The following TMPRSS4 variants were observed in gnomAD, a reference collection of about 807,000 sequenced individuals.
TMPRSS4 encodes the protein transmembrane protease serine 4.
Under a neutral mutation model 56.4 loss-of-function variants are expected in TMPRSS4, and 45 were observed. That is an observed-to-expected ratio of 0.80 (90% CI 0.63 to 1.02). The LOEUF (loss-of-function observed/expected upper bound fraction) is 1.02. Among genes scored for constraint, TMPRSS4 ranks in the 50% least tolerant of loss-of-function variants. The probability of loss-of-function intolerance (pLI) is 0.00; values close to 1 mark genes in which losing one functional copy is unlikely to be tolerated. For missense variants in TMPRSS4, 546 were observed against 556.7 expected (o/e 0.98, Z 0.19); for synonymous variants, 205 against 211.0 (o/e 0.97, Z 0.25).
In TMPRSS4 at chr11:118,118,822, G is replaced by A. The variant is rs1947692831; in HGVS notation, c.*909G>A. On this transcript the variant is annotated 3_prime_UTR_variant, in exon 13 of 13. Coordinates refer to ENST00000437212, the MANE Select transcript of TMPRSS4 (RefSeq NM_019894.4). The stretch of plus-strand genomic sequence containing the variant: ...GTGGCTGGAAAGAAATGCTGGTCCT[G>A]TGTCCTAACTTTTTCCGCCTGGAGA... 2.0e-6 allele frequency: 2 copies of A among 985,430 alleles called. No homozygotes were observed. Among genetic ancestry groups the A allele is most frequent in the South Asian group, 4.7e-5 (1 of 21,294 alleles). The allele number at this position is 985,430 out of a possible 1,614,324, so 61.0% of individuals were successfully genotyped here.
chr11:118,108,767 A>G, intron 6 of TMPRSS4, 89 bp from the exon 7 acceptor site: 2 of 1,330,690 alleles, frequency 1.5e-6, no homozygotes, highest in Non-Finnish European at 2.1e-6. Flanking sequence ...TTGGGAGGGG[A>G]CTTGAATTAA....
intron 1 of TMPRSS4, among the ~76,000 whole-genome samples, chr11:118,086,587 T>A (rs1945572436): frequency 6.6e-6 from 1 of 151,988 alleles, no homozygotes; most frequent in Non-Finnish European, 1.5e-5. Flanking sequence ...AGAGACAGAG[T>A]AACAGGTGCG....
chr11:118,114,743 C>T, intron 9 of TMPRSS4, 86 bp from the exon 10 acceptor site: 9 of 1,356,784 alleles, frequency 6.6e-6, no homozygotes, highest in Non-Finnish European at 9.2e-6. Context: ...CAGCAAGATC[C>T]CCATAATCAT....
rs1386587260 is a variant in TMPRSS4, at chr11:118,107,775, A to G, written c.442A>G (p.Lys148Glu). Residue 148 changes from lysine to glutamate, a missense_variant and splice_region_variant, in exon 6 of 13, where the codon AAA becomes GAA. By Grantham distance (56) the Lys-to-Glu change is moderately conservative (BLOSUM62 1). Coordinates refer to ENST00000437212, the MANE Select transcript of TMPRSS4 (RefSeq NM_019894.4). ...TACRQMGYSS[K>E]PTFRAVEIGP... ...CTCTCTCCCTCTTGATGTGAGCAGC[A>G]AACCCACTTTCAGAGCTGTGGAGAT... The G allele has an allele frequency of 6.2e-7, 1 of 1,614,030 alleles. No individual in the cohort carries two copies. The highest frequency in any genetic ancestry group is 2.2e-5 in the East Asian group (1 of 44,880).
chr11:118,080,980 T>C (rs562205066), intron 1 of TMPRSS4, among the ~76,000 whole-genome samples: 2 of 152,224 alleles, frequency 1.3e-5, no homozygotes, highest in Non-Finnish European at 1.5e-5. Context: ...ACATTTTCTT[T>C]TAAACCTGTT....
intron 3 of TMPRSS4, among the ~76,000 whole-genome samples, chr11:118,101,807 G>A (rs1011130691): frequency 7.9e-5 from 12 of 152,094 alleles, no homozygotes; most frequent in African/African-American, 2.7e-4. Flanking sequence ...TCAGTTCCCT[G>A]AAGGATTAAA....
chr11:118,112,016 T>C lies in TMPRSS4; in HGVS notation c.743+116T>C, dbSNP rs76497990. 9,048 of 1,432,406 alleles carry C rather than the reference T, an allele frequency of 6.3e-3. 437 individuals are homozygous for C. The African/African-American group carries it at 0.11, about 17-fold the overall frequency. The allele number at this position is 1,432,406 out of a possible 1,614,324, so 88.7% of individuals were successfully genotyped here. A position where few individuals can be genotyped will look rare whatever the true frequency, so the allele number is the denominator to read the frequency against. The stretch of plus-strand genomic sequence containing the variant: ...CTTCACTCTCCCACTAGAGACGTTT[T>C]CCAGGTTGTGGTGGCCCCAATGAGA... On this transcript the variant is annotated intron_variant, in intron 8 of 12. Transcript: ENST00000437212.
intron 3 of TMPRSS4, among the ~76,000 whole-genome samples, chr11:118,101,519 A>G (rs140736208): frequency 9.4e-4 from 143 of 152,234 alleles, no homozygotes; most frequent in African/African-American, 3.3e-3. Context: ...TCTCTTTCCC[A>G]GGCTAGAGTG....
At chr11:118,097,398 T>G (rs2135372337) in intron 2 of TMPRSS4, among the ~76,000 whole-genome samples, 1 of 151,598 alleles carries the variant, frequency 6.6e-6, no homozygotes, top group East Asian at 1.9e-4. Context: ...ACTGTGAAGG[T>G]GACAGTGAAG....
intron 4 of TMPRSS4, among the ~76,000 whole-genome samples, chr11:118,103,972 GA>G (rs1946862769): frequency 6.6e-6 from 1 of 152,182 alleles, no homozygotes; most frequent in South Asian, 2.1e-4. Flanking sequence ...AGTGTTTGCT[GA>G]GACATGCTAT....
Position 118,090,607 on chromosome 11 carries a change from T to C in TMPRSS4, c.4-4209T>C, listed in dbSNP as rs571246033. On this transcript the variant is annotated intron_variant, in intron 1 of 12. Coordinates refer to ENST00000437212, the MANE Select transcript of TMPRSS4 (RefSeq NM_019894.4). ...GCCTGGGCAATACAGTGATACCTCA[T>C]CTCTACGAAAAAAAAAAAAAAATAG... is the stretch of plus-strand genomic sequence containing the variant. Among the ~76,000 whole-genome samples, 508 of 84,214 alleles carry C rather than the reference T, an allele frequency of 6.0e-3. 6 individuals are homozygous for C. The highest frequency in any genetic ancestry group is 0.025 in the African/African-American group (497 of 19,608). 55.2% of individuals were successfully genotyped at this position (84,214 alleles called of 152,430 possible).
At position 118,118,175 on chromosome 11, in the gene TMPRSS4, A is replaced by G; in HGVS notation, c.*262A>G. On this transcript the variant is annotated 3_prime_UTR_variant, in exon 13 of 13. Coordinates refer to ENST00000437212, the MANE Select transcript of TMPRSS4 (RefSeq NM_019894.4). ...AGGGAGAGACACAGCCCACTGAACA[A>G]GGTCTCAGGGGTATTGCTAAGCCAA... 7.1e-7 allele frequency: 1 copy of G among 1,403,388 alleles called. No individual in the cohort carries two copies. The allele number at this position is 1,403,388 out of a possible 1,614,324, so 86.9% of individuals were successfully genotyped here. A position where few individuals can be genotyped will look rare whatever the true frequency, so the allele number is the denominator to read the frequency against.
At position 118,121,451 on chromosome 11, in the gene TMPRSS4, C is replaced by G. The variant is rs1237913065; in HGVS notation, c.*3538C>G. On this transcript the variant is annotated 3_prime_UTR_variant, in exon 13 of 13. Transcript: ENST00000437212. The stretch of plus-strand genomic sequence containing the variant: ...TTGGCTCACTGCTATCTCCACCTCC[C>G]AGGTTCAAGTGATTCTTCTGCCTCA... 3 of 152,082 alleles carry G rather than the reference C, an allele frequency of 2.0e-5. No individual in the cohort carries two copies. Among genetic ancestry groups the G allele is most frequent in the Non-Finnish European group, 4.4e-5 (3 of 68,026 alleles). The allele number at this position is 152,082 out of a possible 1,614,324, so 9.4% of individuals were successfully genotyped here.
At chr11:118,095,208 A>C (rs888887462) in intron 2 of TMPRSS4, 5 of 223,868 alleles carry the variant, frequency 2.2e-5, no homozygotes, top group African/African-American at 8.9e-5. Flanking sequence ...AGACAGCTGA[A>C]GTCCCTGGTG....
At chr11:118,088,827 C>A (rs539196018) in intron 1 of TMPRSS4, among the ~76,000 whole-genome samples, 2 of 152,342 alleles carry the variant, frequency 1.3e-5, no homozygotes, top group Non-Finnish European at 2.9e-5. Context: ...TGTTTGGTGA[C>A]CTCTCAACTT....
At chr11:118,079,320 C>T (rs980383146) in intron 1 of TMPRSS4, among the ~76,000 whole-genome samples, 1 of 152,184 alleles carries the variant, frequency 6.6e-6, no homozygotes, top group Non-Finnish European at 1.5e-5. Context: ...CCATTCCCTA[C>T]CTCCTTCCAT....
At chr11:118,080,681 C>G (rs538233556) in intron 1 of TMPRSS4, among the ~76,000 whole-genome samples, 3 of 152,166 alleles carry the variant, frequency 2.0e-5, no homozygotes, top group Non-Finnish European at 4.4e-5. Context: ...GAGAGACCAG[C>G]TCAAGGGGGT....
chr11:118,113,222 C>G (rs771036314), intron 8 of TMPRSS4, 47 bp from the exon 9 acceptor site: 1 of 1,559,034 alleles, frequency 6.4e-7, no homozygotes, highest in Admixed American at 1.8e-5. Flanking sequence ...TTGGCAAAGT[C>G]TCCTCAGGCT....
rs958753710 is a variant in TMPRSS4, at chr11:118,117,992, G to C, written c.*79G>C. 191 of 1,610,132 alleles carry C rather than the reference G, an allele frequency of 1.2e-4. No homozygotes were observed. The highest frequency in any genetic ancestry group is 1.6e-4 in the Non-Finnish European group (186 of 1,179,644). ...TGGGGATCCCCCAAAGTCAGACACA[G>C]AGCAAGAGTCCCCTTGGGTACACCC... is the stretch of plus-strand genomic sequence containing the variant. On this transcript the variant is annotated 3_prime_UTR_variant, in exon 13 of 13. Coordinates refer to ENST00000437212, the MANE Select transcript of TMPRSS4 (RefSeq NM_019894.4).
Sources: allele counts gnomAD v4.1 joint callset (sites outside exome capture counted in the v4.1 genomes callset), GRCh38; gene constraint gnomAD v4.1.1; transcripts MANE v1.5; gene names NCBI Gene and HGNC (gene_info 2026-07-23, HGNC 2026-07-21).